CPQ: variants seen among roughly 807,000 people sequenced by gnomAD.
CPQ encodes carboxypeptidase Q.
In CPQ, 37 loss-of-function variants were observed where a neutral mutation model predicts 45.7. That is an observed-to-expected ratio of 0.81 (90% CI 0.62 to 1.07). CPQ has a LOEUF of 1.07. Among genes scored for constraint, CPQ ranks in the 50% least tolerant of loss-of-function variants. The probability of loss-of-function intolerance (pLI) is 0.00; values close to 1 mark genes in which losing one functional copy is unlikely to be tolerated. For missense variants in CPQ, 537 were observed against 572.9 expected (o/e 0.94, Z 0.64); for synonymous variants, 186 against 205.8 (o/e 0.90, Z 0.82).
At chr8:96,681,154 T>G (rs1809145074) in intron 1 of CPQ, among the ~76,000 whole-genome samples, 1 of 152,142 alleles carries the variant, frequency 6.6e-6, no homozygotes, top group African/African-American at 2.4e-5. Flanking sequence ...CTGTAGAAAT[T>G]TACATAAATA....
At chr8:96,736,862 A>G (rs1307070195) in intron 1 of CPQ, among the ~76,000 whole-genome samples, 1 of 152,168 alleles carries the variant, frequency 6.6e-6, no homozygotes, top group Non-Finnish European at 1.5e-5. Context: ...CCATATTGGT[A>G]GTTCATACTT....
At position 96,681,128 on chromosome 8, in the gene CPQ, G is replaced by A. The variant is rs538068800; in HGVS notation, c.-35+35726G>A. Among the ~76,000 whole-genome samples, 4 of 152,306 alleles carry A rather than the reference G, an allele frequency of 2.6e-5. No individual in the cohort carries two copies. In the South Asian group the frequency reaches 8.3e-4, roughly 32 times the overall value. On this transcript the variant is annotated intron_variant, in intron 1 of 7. Transcript: ENST00000220763. ...AGAAAAGATAATCTCATTTTCTGAGGAGAAATTCAAGCTGGCTGTAGAAAT... is the reference window on the plus strand; with the variant it reads ...AGAAAAGATAATCTCATTTTCTGAGAAGAAATTCAAGCTGGCTGTAGAAAT...
At chr8:96,746,354 A>G (rs529820470) in intron 1 of CPQ, among the ~76,000 whole-genome samples, 3 of 152,322 alleles carry the variant, frequency 2.0e-5, no homozygotes, top group Admixed American at 6.5e-5. Flanking sequence ...TATTTTACAG[A>G]TGGTATTTAG....
At chr8:96,794,219 G>C (rs1399112657) in intron 2 of CPQ, among the ~76,000 whole-genome samples, 1 of 152,186 alleles carries the variant, frequency 6.6e-6, no homozygotes, top group Non-Finnish European at 1.5e-5. Context: ...TGGACATCCA[G>C]ATGTTTCCAT....
intron 6 of CPQ, among the ~76,000 whole-genome samples, chr8:97,031,366 T>C (rs545236581): frequency 6.6e-6 from 1 of 152,010 alleles, no homozygotes; most frequent in East Asian, 1.9e-4. Flanking sequence ...TTTTGTACTT[T>C]TAGTGGAGAT....
chr8:97,071,052 A>G (rs1810733024), intron 7 of CPQ, among the ~76,000 whole-genome samples: 2 of 152,178 alleles, frequency 1.3e-5, no homozygotes, highest in Admixed American at 1.3e-4. Flanking sequence ...CTCTTACTCT[A>G]TATCTGCCAA....
At chr8:96,742,826 A>G (rs1223347189) in intron 1 of CPQ, among the ~76,000 whole-genome samples, 4 of 151,986 alleles carry the variant, frequency 2.6e-5, no homozygotes, top group Admixed American at 6.6e-5. Flanking sequence ...TGGCTTGTAG[A>G]GTTTCTGCCG....
intron 1 of CPQ, among the ~76,000 whole-genome samples, chr8:96,700,542 A>G (rs1183681795): frequency 1.3e-5 from 2 of 152,074 alleles, no homozygotes; most frequent in African/African-American, 2.4e-5. Flanking sequence ...GAAGCAGAAC[A>G]TCTCTCCAAG....
chr8:96,918,090 G>A (rs757597688), intron 4 of CPQ, among the ~76,000 whole-genome samples: 61 of 152,102 alleles, frequency 4.0e-4, no homozygotes, highest in Non-Finnish European at 8.1e-4. Context: ...AGGGGATAAT[G>A]CATAGCTAAA....
chr8:97,105,572 A>G (rs1811390577), intron 7 of CPQ, among the ~76,000 whole-genome samples: 1 of 152,234 alleles, frequency 6.6e-6, no homozygotes, highest in Non-Finnish European at 1.5e-5. Flanking sequence ...AATTACAGAT[A>G]TAACAATCTG....
At chr8:97,125,864 T>A (rs1222075527) in intron 7 of CPQ, among the ~76,000 whole-genome samples, 1 of 152,184 alleles carries the variant, frequency 6.6e-6, no homozygotes, top group Admixed American at 6.5e-5. Flanking sequence ...AAGTACCAAC[T>A]AGTATAATTA....
intron 4 of CPQ, among the ~76,000 whole-genome samples, chr8:96,920,054 AAAC>A (rs1812785719): frequency 6.6e-6 from 1 of 152,232 alleles, no homozygotes; most frequent in Admixed American, 6.5e-5. Flanking sequence ...AAAATATGTA[AAAC>A]AGCATAATGC....
intron 1 of CPQ, among the ~76,000 whole-genome samples, chr8:96,650,855 A>G (rs1469672941): frequency 6.6e-6 from 1 of 152,238 alleles, no homozygotes; most frequent in East Asian, 1.9e-4. Context: ...TCAGTGCAGT[A>G]GGGGAGTCCA....
At chr8:97,051,408 CTA>C (rs1477354104) in intron 6 of CPQ, among the ~76,000 whole-genome samples, 2 of 152,074 alleles carry the variant, frequency 1.3e-5, no homozygotes, top group Non-Finnish European at 2.9e-5. Context: ...TTAATTATGA[CTA>C]TGATATCAAA....
intron 5 of CPQ, among the ~76,000 whole-genome samples, chr8:97,006,531 T>C (rs543219894): frequency 1.3e-5 from 2 of 152,322 alleles, no homozygotes; most frequent in Middle Eastern, 6.8e-3. Context: ...ATTTGACCTA[T>C]ATGAAAAATT....
chr8:96,878,199 C>A (rs1478992281), intron 3 of CPQ, among the ~76,000 whole-genome samples: 1 of 152,072 alleles, frequency 6.6e-6, no homozygotes, highest in African/African-American at 2.4e-5. Flanking sequence ...ATATCTTGAC[C>A]TCATGATCCA....
rs762017641 is a variant in CPQ, at chr8:97,066,166, G to C, written c.1211G>C (p.Gly404Ala). ...PLNITQVLSH[G>A]EGTDINFWIQ... Reference sequence around the variant, plus strand: ...AATATCACTCAGGTCCTGAGCCATGGAGAAGGGACAGACATCAACTTTTGG... The same window carrying C: ...AATATCACTCAGGTCCTGAGCCATGCAGAAGGGACAGACATCAACTTTTGG... Residue 404 changes from glycine (G) to alanine (A), a missense_variant, in exon 7 of 8, where the codon GGA becomes GCA. By Grantham distance (60) the Gly-to-Ala change is moderately conservative. Transcript: ENST00000220763. The C allele has an allele frequency of 6.2e-7, 1 of 1,611,574 alleles. No individual in the cohort carries two copies. The highest frequency in any genetic ancestry group is 1.1e-5 in the South Asian group (1 of 90,430).
At chr8:96,883,258 G>A (rs983144122) in intron 4 of CPQ, among the ~76,000 whole-genome samples, 3 of 152,084 alleles carry the variant, frequency 2.0e-5, no homozygotes, top group Admixed American at 2.0e-4. Context: ...GTCTTTCTGT[G>A]GACTTAATGT....
At chr8:96,999,229 C>A (rs1270494725) in intron 5 of CPQ, among the ~76,000 whole-genome samples, 1 of 150,116 alleles carries the variant, frequency 6.7e-6, no homozygotes, top group Admixed American at 6.7e-5. Context: ...TTTTTCTTAT[C>A]CTTTTTTTTT....
Sources: gnomAD v4.1 joint callset for allele counts (sites outside exome capture counted in the v4.1 genomes callset) on GRCh38, gnomAD v4.1.1 for gene constraint, MANE v1.5 for transcripts, NCBI Gene and HGNC (gene_info 2026-07-23, HGNC 2026-07-21) for gene names.